DOCK1: variants seen among roughly 807,000 people sequenced by gnomAD.
DOCK1 encodes dedicator of cytokinesis protein 1.
Under a neutral mutation model 262.7 loss-of-function variants are expected in DOCK1, and 138 were observed. The observed-to-expected ratio is 0.53, with a 90% confidence interval of 0.46 to 0.61. The LOEUF (loss-of-function observed/expected upper bound fraction) is 0.61, where lower values mean the gene tolerates loss of function less well. Ranked by LOEUF, DOCK1 falls within the 20% of genes least tolerant of loss-of-function variation. The pLI, the probability that DOCK1 is intolerant of heterozygous loss-of-function variation, is 0.00. For synonymous variants in DOCK1, 866 were observed against 867.4 expected (o/e 1.00, Z 0.03); for missense variants, 1,908 against 2,370.7 (o/e 0.80, Z 4.05).
At chr10:127,442,731 C>T (rs1317934738) in intron 49 of DOCK1, among the ~76,000 whole-genome samples, 2 of 152,204 alleles carry the variant, frequency 1.3e-5, no homozygotes, top group South Asian at 2.1e-4. Flanking sequence ...TTCAGGTACA[C>T]GCCAAGGAGA....
chr10:127,267,714 C>G (rs1351446040), intron 29 of DOCK1, among the ~76,000 whole-genome samples: 1 of 152,228 alleles, frequency 6.6e-6, no homozygotes, highest in African/African-American at 2.4e-5. Context: ...AGGACCGAAG[C>G]CAAGTGCCCT....
intron 51 of DOCK1, among the ~76,000 whole-genome samples, chr10:127,448,951 C>G (rs1453250332): frequency 6.6e-6 from 1 of 151,940 alleles, no homozygotes; most frequent in East Asian, 1.9e-4. Context: ...TGTTTGTGTA[C>G]AGCATACGTA....
intron 27 of DOCK1, among the ~76,000 whole-genome samples, chr10:127,162,766 TC>T (rs2053699707): frequency 1.3e-5 from 2 of 152,202 alleles, no homozygotes; most frequent in African/African-American, 4.8e-5. Flanking sequence ...CGAGCCGGCC[TC>T]CCCAGGCCTG....
chr10:127,355,257 C>G (rs2064090375), intron 32 of DOCK1, among the ~76,000 whole-genome samples: 1 of 152,138 alleles, frequency 6.6e-6, no homozygotes, highest in Admixed American at 6.5e-5. Context: ...TTTCCAACTA[C>G]TTTTATCATG....
intron 27 of DOCK1, among the ~76,000 whole-genome samples, chr10:127,197,586 G>A (rs188764372): frequency 3.9e-5 from 6 of 152,308 alleles, no homozygotes; most frequent in South Asian, 2.1e-4. Context: ...AAAGGTCAGA[G>A]AAGTAGTGGA....
chr10:127,259,392 G>A (rs541658658), intron 29 of DOCK1, among the ~76,000 whole-genome samples: 122 of 152,348 alleles, frequency 8.0e-4, no homozygotes, highest in Middle Eastern at 3.4e-3. Flanking sequence ...GCTCTAGAGC[G>A]TTGTGTCTTT....
At position 127,065,762 on chromosome 10, in the gene DOCK1, T is replaced by C. The variant is rs113318991; in HGVS notation, c.2445+3986T>C. On this transcript the variant is annotated intron_variant, in intron 23 of 51. Coordinates refer to ENST00000623213, the MANE Select transcript of DOCK1 (RefSeq NM_001290223.2). ...GAATGATGCGGCTCCGACTGCTGCA[T>C]TGAAAAGGCCTGGGGTCAGAGGCGG... 3.7e-3 allele frequency among the ~76,000 whole-genome samples: 569 copies of C among 152,188 alleles called. 4 individuals carry two copies. The highest frequency in any genetic ancestry group is 0.013 in the African/African-American group (532 of 41,532).
chr10:127,371,899 AG>A (rs1219049179), intron 33 of DOCK1, among the ~76,000 whole-genome samples: 1 of 152,198 alleles, frequency 6.6e-6, no homozygotes. Context: ...TAGTATCAAA[AG>A]GTTGTTATTT....
chr10:127,217,094 G>A lies in DOCK1; in HGVS notation c.2848-30914G>A, dbSNP rs141328122. 1.9e-3 allele frequency among the ~76,000 whole-genome samples: 285 copies of A among 152,236 alleles called. 1 individual carries two copies. The highest frequency in any genetic ancestry group is 6.5e-3 in the African/African-American group (269 of 41,538). On this transcript the variant is annotated intron_variant, in intron 27 of 51. Coordinates refer to ENST00000623213, the MANE Select transcript of DOCK1 (RefSeq NM_001290223.2). ...AAAGAAAGAGAAAAGAAGGGAAGGG[G>A]CACAGGCAGGAAAAGAATAGGAACA...
chr10:127,133,259 C>T (rs1432669883), intron 27 of DOCK1, among the ~76,000 whole-genome samples: 2 of 152,188 alleles, frequency 1.3e-5, no homozygotes, highest in African/African-American at 2.4e-5. Context: ...ACCCAAGACT[C>T]ATAACCAAAT....
In DOCK1 at chr10:127,175,033, G is replaced by A. The variant is rs2054951291; in HGVS notation, c.2847+47269G>A. Among the ~76,000 whole-genome samples the A allele has an allele frequency of 6.6e-6, 1 of 152,172 alleles. No homozygotes were observed. The highest frequency in any genetic ancestry group is 2.4e-5 in the African/African-American group (1 of 41,450). On this transcript the variant is annotated intron_variant, in intron 27 of 51. Coordinates refer to ENST00000623213, the MANE Select transcript of DOCK1 (RefSeq NM_001290223.2). This position sits in a 1 kb window ranked among gnomAD's most constrained non-coding sequence, Gnocchi z 6.3. ...CAGAAAGCGTATCGTGCAGGATGCA[G>A]TGACGTCTAGTATCATAAAATAATC...
chr10:127,172,094 TTC>T (rs1491399233), intron 27 of DOCK1, among the ~76,000 whole-genome samples: 5 of 152,218 alleles, frequency 3.3e-5, no homozygotes, highest in Non-Finnish European at 5.9e-5. Flanking sequence ...TTTTCCTGTT[TTC>T]TTTTTTTGTT....
chr10:126,980,271 C>T (rs1268193474), intron 3 of DOCK1, among the ~76,000 whole-genome samples: 3 of 152,088 alleles, frequency 2.0e-5, no homozygotes, highest in Non-Finnish European at 4.4e-5. Context: ...AGATCACTGC[C>T]ACCGCGACTT....
chr10:127,185,483 A>C (rs2056145019), intron 27 of DOCK1, among the ~76,000 whole-genome samples: 1 of 152,290 alleles, frequency 6.6e-6, no homozygotes, highest in East Asian at 1.9e-4. Context: ...CCGAGATTGC[A>C]CCACTGCACT....
In DOCK1 at chr10:127,426,121, C is replaced by T. The variant is rs578017691; in HGVS notation, c.4914+110C>T. The T allele has an allele frequency of 4.2e-5, 64 of 1,531,738 alleles. No homozygotes were observed. The African/African-American group carries it at 5.2e-4, about 12-fold the overall frequency. The allele number at this position is 1,531,738 out of a possible 1,614,324, so 94.9% of individuals were successfully genotyped here. A position where few individuals can be genotyped will look rare whatever the true frequency, so the allele number is the denominator to read the frequency against. ...GGAACTCACATGTACACATGGTGCC[C>T]GCTTAGGAAGTGGGATGTGAGGGAG... is the stretch of plus-strand genomic sequence containing the variant. On this transcript the variant is annotated intron_variant, in intron 47 of 51. Transcript: ENST00000623213.
At chr10:127,070,528 A>G (rs1011373568) in intron 23 of DOCK1, among the ~76,000 whole-genome samples, 10 of 152,114 alleles carry the variant, frequency 6.6e-5, no homozygotes, top group African/African-American at 2.4e-4. Context: ...CTGGGATTAT[A>G]GGTGTGACCC....
Position 127,256,927 on chromosome 10 carries a change from G to A in DOCK1, c.2950-408G>A, listed in dbSNP as rs77788910. The stretch of plus-strand genomic sequence containing the variant: ...AGAAAGGAACAGACAGTAGTATCCC[G>A]TATTCAATCTGATGTGTCCTGTTCA... On this transcript the variant is annotated intron_variant, in intron 28 of 51. Transcript: ENST00000623213. Among the ~76,000 whole-genome samples, 958 of 152,296 alleles carry A rather than the reference G, an allele frequency of 6.3e-3. 11 individuals are homozygous for A. The highest frequency in any genetic ancestry group is 9.1e-3 in the Non-Finnish European group (622 of 68,026).
intron 27 of DOCK1, among the ~76,000 whole-genome samples, chr10:127,243,365 C>T (rs1270743077): frequency 4.6e-5 from 7 of 152,124 alleles, no homozygotes; most frequent in Non-Finnish European, 1.0e-4. Flanking sequence ...ATCCTGCATT[C>T]AACTTGCCTG....
intron 33 of DOCK1, among the ~76,000 whole-genome samples, chr10:127,373,099 T>C (rs1018893040): frequency 2.0e-5 from 3 of 152,064 alleles, no homozygotes; most frequent in Non-Finnish European, 4.4e-5. Flanking sequence ...CCCCCAGAAT[T>C]TAGAGTTTTT....
Sources: gnomAD v4.1 joint callset for allele counts (sites outside exome capture counted in the v4.1 genomes callset) on GRCh38, gnomAD v4.1.1 for gene constraint, Gnocchi (gnomAD v3.1) non-coding constraint, MANE v1.5 for transcripts, NCBI Gene and HGNC (gene_info 2026-07-23, HGNC 2026-07-21) for gene names.